ZNF185: variants seen among roughly 807,000 people sequenced by gnomAD.
ZNF185 encodes zinc finger protein 185 with LIM domain, also known as zinc finger protein 185.
ZNF185 carries 56 observed loss-of-function variants against 58.6 expected under a neutral mutation model. That is an observed-to-expected ratio of 0.95 (90% CI 0.77 to 1.19). The LOEUF is 1.19. Ranked by LOEUF, ZNF185 falls within the 50% of genes most tolerant of loss-of-function variation. The pLI is 0.00. For synonymous variants in ZNF185, 230 were observed against 215.9 expected (o/e 1.07, Z -0.57); for missense variants, 627 against 573.5 (o/e 1.09, Z -0.95).
intron 17 of ZNF185, among the ~76,000 whole-genome samples, chrX:152,963,610 T>C (rs1450217767): frequency 8.9e-6 from 1 of 111,801 alleles, no homozygotes; most frequent in Non-Finnish European, 1.9e-5. Flanking sequence ...GAGTACTGAG[T>C]GGACACTGGA....
Position 152,937,980 on chromosome X carries a change from C to A in ZNF185, c.1122-94C>A, listed in dbSNP as rs906634451. On this transcript the variant is annotated intron_variant, in intron 14 of 22. Coordinates refer to ENST00000449285, the Ensembl canonical transcript of ZNF185. The stretch of plus-strand genomic sequence containing the variant: ...GCCTTTACTGGAAGACACAGTTCCT[C>A]CCTTTCTGGTGAGAAGGCAGCCTGG... The A allele has an allele frequency of 1.1e-5, 9 of 839,230 alleles. No individual in the cohort carries two copies. The African/African-American group carries it at 1.6e-4, about 15-fold the overall frequency. 69.2% of individuals were successfully genotyped at this position (839,230 alleles called of 1,213,427 possible). A position where few individuals can be genotyped will look rare whatever the true frequency, so the allele number is the denominator to read the frequency against.
intron 21 of ZNF185, among the ~76,000 whole-genome samples, chrX:152,969,875 G>A (rs1556917875): frequency 8.9e-6 from 1 of 112,500 alleles, no homozygotes; most frequent in African/African-American, 3.2e-5. Context: ...CGGGCACAGA[G>A]TTTGGATTTT....
At chrX:152,928,631 G>A (rs782566308) in exon 12 of ZNF185, 34 of 1,210,574 alleles carry the variant, frequency 2.8e-5, no homozygotes, top group Non-Finnish European at 3.6e-5. Flanking sequence ...GCAGGACTCC[G>A]CCTGGTGGCC....
chrX:152,954,549 G>C (rs1424841710), intron 16 of ZNF185, among the ~76,000 whole-genome samples: 2 of 112,304 alleles, frequency 1.8e-5, no homozygotes, highest in Non-Finnish European at 3.8e-5. Flanking sequence ...CCGTGAGGTA[G>C]CCTTATGGAC....
chrX:152,902,101 C>T, the ZNF185 span, among the ~76,000 whole-genome samples: 20 of 112,669 alleles, frequency 1.8e-4, no homozygotes, highest in Non-Finnish European at 3.0e-4. Context: ...CACTCATTAA[C>T]GCCCGCTGAG....
intron 20 of ZNF185, 135 bp from the exon 23 acceptor site, chrX:152,969,247 A>C: frequency 2.0e-6 from 1 of 501,714 alleles, no homozygotes; most frequent in East Asian, 3.6e-5. Context: ...GCTGCACACC[A>C]CAGAAAACAG....
At position 152,943,861 on chromosome X, in the gene ZNF185, C is replaced by T. The variant is rs1241601580; in HGVS notation, c.1212-1406C>T. 6.2e-5 allele frequency among the ~76,000 whole-genome samples: 7 copies of T among 113,031 alleles called. No individual in the cohort carries two copies. The Admixed American group carries it at 6.5e-4, about 10-fold the overall frequency. Reference sequence around the variant, plus strand: ...GGCTACCACAGTAGGGAGACAAGCTCTTCAGGCCTTGTATGTTTGTCTTTG... The same window carrying T: ...GGCTACCACAGTAGGGAGACAAGCTTTTCAGGCCTTGTATGTTTGTCTTTG... On this transcript the variant is annotated intron_variant, in intron 15 of 22. Coordinates refer to ENST00000449285, the Ensembl canonical transcript of ZNF185.
Position 152,967,109 on chromosome X carries a change from T to C in ZNF185, c.1800-58T>C. 4 of 1,078,704 alleles carry C rather than the reference T, an allele frequency of 3.7e-6. 1 individual carries two copies. The allele number at this position is 1,078,704 out of a possible 1,213,427, so 88.9% of individuals were successfully genotyped here. A position where few individuals can be genotyped will look rare whatever the true frequency, so the allele number is the denominator to read the frequency against. On this transcript the variant is annotated intron_variant, in intron 19 of 22. Transcript: ENST00000449285. ...GCCAAAGGTTAATTAGAAAATTAAC[T>C]ATGATAGTGATTTGGCTCTCATCTC...
rs782079563 is a variant in ZNF185 at position 152,922,718 on chromosome X, A to C, written c.741-2A>C. On this transcript the variant is annotated splice_acceptor_variant, in intron 10 of 22. Transcript: ENST00000449285. LOFTEE classifies it high-confidence loss of function. The stretch of plus-strand genomic sequence containing the variant: ...GCCTCTCACAGCCACCTTCTTTGCC[A>C]GTGCGGATGGAGGCAGGACCAAAGC... 4 of 1,195,577 alleles carry C rather than the reference A, an allele frequency of 3.3e-6. No individual in the cohort carries two copies. In the African/African-American group the frequency reaches 5.3e-5, roughly 16 times the overall value.
chrX:152,939,303 G>C lies in ZNF185; in HGVS notation c.1211+1140G>C, dbSNP rs137916855. Among the ~76,000 whole-genome samples, 417 of 111,802 alleles carry C rather than the reference G, an allele frequency of 3.7e-3. 1 individual carries two copies. The highest frequency in any genetic ancestry group is 0.013 in the African/African-American group (392 of 30,783). ...GAATTGCACTGACAATTAACAATCA[G>C]AGTGAAAACAACAGCTGACACCAAT... On this transcript the variant is annotated intron_variant, in intron 15 of 22. Coordinates refer to ENST00000449285, the Ensembl canonical transcript of ZNF185.
At chrX:152,920,835 G>A in intron 9 of ZNF185, 87 bp downstream of exon 10, 3 of 1,067,691 alleles carry the variant, frequency 2.8e-6, no homozygotes, top group Admixed American at 2.2e-5. Flanking sequence ...GGGAGCTGTG[G>A]AGAGGGGATG....
chrX:152,900,551 C>T, the ZNF185 span, among the ~76,000 whole-genome samples: 1 of 113,017 alleles, frequency 8.8e-6, no homozygotes, highest in Non-Finnish European at 1.9e-5. Flanking sequence ...CAGTCCGGGC[C>T]TTTGGGCTCT....
At chrX:152,910,313 C>A (rs781941496), upstream of ZNF185, among the ~76,000 whole-genome samples, 62 of 112,421 alleles carry the variant, frequency 5.5e-4, 1 homozygote, top group Non-Finnish European at 2.6e-4. Flanking sequence ...ACAGAAGATA[C>A]ACGTTCATGA....
intron 13 of ZNF185, 72 bp downstream of exon 14, chrX:152,931,848 C>A: frequency 1.1e-6 from 1 of 928,965 alleles, no homozygotes; most frequent in Non-Finnish European, 1.5e-6. Flanking sequence ...TGAAGGACTT[C>A]CATGGCCTCC....
At chrX:152,910,285 C>T (rs373240137), upstream of ZNF185, among the ~76,000 whole-genome samples, 2 of 112,013 alleles carry the variant, frequency 1.8e-5, no homozygotes, top group Non-Finnish European at 1.9e-5. Context: ...AAACCACCGT[C>T]GGGCTCATCT....
chrX:152,966,134 AG>A (rs1556914567), intron 19 of ZNF185, among the ~76,000 whole-genome samples: 1 of 109,764 alleles, frequency 9.1e-6, no homozygotes, highest in African/African-American at 3.3e-5. Context: ...TAGCCTCCCT[AG>A]TAGCTGGGAT....
chrX:152,923,605 C>T (rs928349487), intron 11 of ZNF185, among the ~76,000 whole-genome samples: 17 of 112,423 alleles, frequency 1.5e-4, no homozygotes, highest in African/African-American at 5.2e-4. Flanking sequence ...GTGAAAGACA[C>T]TTTTTCCACG....
chrX:152,951,562 C>G (rs1166547511), intron 16 of ZNF185, among the ~76,000 whole-genome samples: 3 of 108,531 alleles, frequency 2.8e-5, no homozygotes, highest in Non-Finnish European at 3.8e-5. Flanking sequence ...TTACTTTTAG[C>G]AGTTTATATA....
At chrX:152,898,988 G>T in the ZNF185 span, among the ~76,000 whole-genome samples, 2 of 112,252 alleles carry the variant, frequency 1.8e-5, no homozygotes, top group African/African-American at 6.5e-5. Context: ...GTTTAAGGGG[G>T]TGACACGTCA....
Sources: gnomAD v4.1 joint callset for allele counts (sites outside exome capture counted in the v4.1 genomes callset) on GRCh38, gnomAD v4.1.1 for gene constraint, MANE v1.5 for transcripts, NCBI Gene and HGNC (gene_info 2026-07-23, HGNC 2026-07-21) for gene names.